The following PDE9A variants were observed in gnomAD, a reference collection of about 807,000 sequenced individuals.
PDE9A encodes high affinity cGMP-specific 3',5'-cyclic phosphodiesterase 9A.
Under a neutral mutation model 87.4 loss-of-function variants are expected in PDE9A, and 60 were observed. That is an observed-to-expected ratio of 0.69 (90% confidence interval 0.56 to 0.85). PDE9A has a LOEUF of 0.85. PDE9A is among the 40% of genes least tolerant of loss of function. The pLI is 0.00. For missense variants in PDE9A, 665 were observed against 779.0 expected (o/e 0.85, Z 1.74); for synonymous variants, 272 against 279.4 (o/e 0.97, Z 0.27).
intron 4 of PDE9A, among the ~76,000 whole-genome samples, chr21:42,725,235 T>TTTGTTA (rs926059906): frequency 6.6e-6 from 1 of 152,052 alleles, no homozygotes; most frequent in African/African-American, 2.4e-5. Context: ...CTTTTTTGTT[T>TTTGTTA]TTGTTTTTGT....
At chr21:42,740,287 T>C (rs2052983963) in intron 7 of PDE9A, among the ~76,000 whole-genome samples, 1 of 151,666 alleles carries the variant, frequency 6.6e-6, no homozygotes, top group African/African-American at 2.4e-5. Flanking sequence ...CTACAAAAAA[T>C]ACAAAAATTA....
intron 15 of PDE9A, among the ~76,000 whole-genome samples, chr21:42,767,749 C>A (rs1001372092): frequency 6.6e-6 from 1 of 152,194 alleles, no homozygotes; most frequent in Non-Finnish European, 1.5e-5. Context: ...ACCTCTTGTC[C>A]TATGGCGACA....
intron 1 of PDE9A, among the ~76,000 whole-genome samples, chr21:42,674,832 G>T (rs1476863489): frequency 6.6e-6 from 1 of 152,212 alleles, no homozygotes; most frequent in Non-Finnish European, 1.5e-5. Flanking sequence ...AATAAAAATG[G>T]TAAAGACCTT....
Position 42,668,105 on chromosome 21 carries a change from T to C in PDE9A, c.69+14222T>C, listed in dbSNP as rs368814616. Among the ~76,000 whole-genome samples, 144 of 152,250 alleles carry C rather than the reference T, an allele frequency of 9.5e-4. 4 individuals carry two copies. The South Asian group carries it at 0.029, about 31-fold the overall frequency. On this transcript the variant is annotated intron_variant, in intron 1 of 19. Coordinates refer to ENST00000291539, the MANE Select transcript of PDE9A (RefSeq NM_002606.3). ...GGTTTCCTCTAAATCTTTTCACCCA[T>C]GTCCAGCCACACCATTCTCACATAC...
chr21:42,735,170 C>T (rs535587146), intron 7 of PDE9A, among the ~76,000 whole-genome samples: 13 of 152,308 alleles, frequency 8.5e-5, no homozygotes, highest in African/African-American at 2.6e-4. Context: ...TGATGCTGTG[C>T]GGATGCCTGT....
At chr21:42,764,831 C>G (rs141913346) in intron 14 of PDE9A, among the ~76,000 whole-genome samples, 2 of 152,096 alleles carry the variant, frequency 1.3e-5, no homozygotes, top group East Asian at 3.9e-4. Flanking sequence ...ACAAGTGATC[C>G]CCCCAAAAAA....
rs1172442587 is a variant in PDE9A, at chr21:42,659,892, C to T, written c.69+6009C>T. ...AAATCTAGCGCAGAGGAAGGGCACA[C>T]TGTCCCCGTCAGACGCCTCAGATGA... On this transcript the variant is annotated intron_variant, in intron 1 of 19. Coordinates refer to ENST00000291539, the MANE Select transcript of PDE9A (RefSeq NM_002606.3). The surrounding 1 kb of genome is among the most constrained non-coding windows in gnomAD (Gnocchi z 4.1). Among the ~76,000 whole-genome samples the T allele has an allele frequency of 2.6e-5, 4 of 152,236 alleles. No homozygotes were observed. The highest frequency in any genetic ancestry group is 2.6e-4 in the Admixed American group (4 of 15,292).
At chr21:42,747,101 C>T (rs1008494749) in intron 8 of PDE9A, among the ~76,000 whole-genome samples, 1 of 152,210 alleles carries the variant, frequency 6.6e-6, no homozygotes, top group Non-Finnish European at 1.5e-5. Context: ...CCCAGGCCGG[C>T]GTTGCCACAC....
intron 4 of PDE9A, among the ~76,000 whole-genome samples, chr21:42,729,871 G>A (rs1239574968): frequency 3.3e-5 from 5 of 152,138 alleles, no homozygotes. Context: ...GACATGCTCT[G>A]TATAGCCTCA....
intron 7 of PDE9A, 109 bp from the exon 8 acceptor site, chr21:42,743,667 G>A (rs2053543726): frequency 1.4e-6 from 1 of 700,568 alleles, no homozygotes; most frequent in South Asian, 1.7e-5. Context: ...CCTCTGCACT[G>A]AGGTATATTC....
At chr21:42,772,637 CT>C (rs369837912) in intron 19 of PDE9A, 117 bp downstream of exon 19, 61,492 of 516,924 alleles carry the variant, frequency 0.12, 1 homozygote, top group South Asian at 0.18. Context: ...ATGAATGGAA[CT>C]TTTTTTTTTT....
At position 42,749,682 on chromosome 21, in the gene PDE9A, A is replaced by G. The variant is rs554841546; in HGVS notation, c.654-1434A>G. Among the ~76,000 whole-genome samples the G allele has an allele frequency of 3.9e-5, 6 of 152,376 alleles. No homozygotes were observed. In the East Asian group the frequency reaches 1.2e-3, roughly 29 times the overall value. On this transcript the variant is annotated intron_variant, in intron 8 of 19. Coordinates refer to ENST00000291539, the MANE Select transcript of PDE9A (RefSeq NM_002606.3). ...AAAGTTGGAAACATTCTAAAAGTCCATCACTGGGGACTGGATTGCTAACGT... is the reference window on the plus strand; with the variant it reads ...AAAGTTGGAAACATTCTAAAAGTCCGTCACTGGGGACTGGATTGCTAACGT...
In PDE9A at chr21:42,733,402, G is replaced by A. The variant is rs748095448; in HGVS notation, c.544G>A (p.Ala182Thr). 2 of 1,604,636 alleles carry A rather than the reference G, an allele frequency of 1.2e-6. No homozygotes were observed. The highest frequency in any genetic ancestry group is 1.7e-6 in the Non-Finnish European group (2 of 1,171,248). The change falls in exon 7 of 20, where the codon GCT becomes ACT. Residue 182 changes from alanine to threonine, a missense_variant. Transcript: ENST00000291539. Reference protein sequence around the residue: ...ELKAEVANHLAVLEKRVELEG... With the variant: ...ELKAEVANHLTVLEKRVELEG... ...GAAAGCTGAAGTTGCAAATCACTTGGCTGTCCTAGAGAAACGCGTGGAATG... is the reference window on the plus strand; with the variant it reads ...GAAAGCTGAAGTTGCAAATCACTTGACTGTCCTAGAGAAACGCGTGGAATG...
At chr21:42,717,622 C>A (rs1420035230) in intron 4 of PDE9A, among the ~76,000 whole-genome samples, 2 of 151,396 alleles carry the variant, frequency 1.3e-5, no homozygotes, top group Non-Finnish European at 3.0e-5. Flanking sequence ...GAACTCCTGA[C>A]CTCAGGTGAT....
At chr21:42,661,034 A>ATTT (rs34710059) in intron 1 of PDE9A, among the ~76,000 whole-genome samples, 1,495 of 144,596 alleles carry the variant, frequency 0.01, 23 homozygotes, top group African/African-American at 0.033. Context: ...TTCTCTGCCA[A>ATTT]TTTTTTTTTT....
At chr21:42,724,677 T>A (rs2050860980) in intron 4 of PDE9A, 1 of 784,192 alleles carries the variant, frequency 1.3e-6, no homozygotes, top group Non-Finnish European at 1.5e-6. Flanking sequence ...GTGTTCTCAC[T>A]GGGAGCGCAG....
chr21:42,737,390 C>A (rs67367819), intron 7 of PDE9A, among the ~76,000 whole-genome samples: 48,528 of 152,114 alleles, frequency 0.32, 8,060 homozygotes, highest in South Asian at 0.53. Flanking sequence ...GATCACATAC[C>A]CACACATGCG....
In PDE9A at chr21:42,765,437, T is replaced by C. The variant is rs2056301374; in HGVS notation, c.1299T>C (p.Asp433=). The change falls in exon 15 of 20, where the codon GAT becomes GAC. Residue 433 remains aspartate, a synonymous_variant. Transcript: ENST00000291539. ...TDMARHAEIM[D]SFKEKMENFD... ...TGGCAAGACATGCAGAAATTATGGA[T>C]TCTTTCAAAGAGAAAATGGAGAATT... 6.2e-7 allele frequency: 1 copy of C among 1,613,104 alleles called. No individual in the cohort carries two copies. The highest frequency in any genetic ancestry group is 1.3e-5 in the African/African-American group (1 of 74,926).
intron 9 of PDE9A, among the ~76,000 whole-genome samples, chr21:42,753,258 G>A (rs528586148): frequency 7.9e-5 from 12 of 152,142 alleles, no homozygotes; most frequent in African/African-American, 2.4e-4. Flanking sequence ...CGCTCGCCTC[G>A]GCTTCCCAAA....
Sources: allele counts gnomAD v4.1 joint callset (sites outside exome capture counted in the v4.1 genomes callset), GRCh38; gene constraint gnomAD v4.1.1; non-coding constraint Gnocchi (gnomAD v3.1); transcripts MANE v1.5; gene names NCBI Gene and HGNC (gene_info 2026-07-23, HGNC 2026-07-21).